MPDZ: variants seen among roughly 807,000 people sequenced by gnomAD.
The protein encoded by MPDZ is multiple PDZ domain protein.
In MPDZ, 234 loss-of-function variants were observed where a neutral mutation model predicts 239.1. That is an observed-to-expected ratio of 0.98 (90% CI 0.88 to 1.09). The LOEUF (loss-of-function observed/expected upper bound fraction) is 1.09, where lower values mean the gene tolerates loss of function less well. Among genes scored for constraint, MPDZ ranks in the 50% least tolerant of loss-of-function variants. The pLI is 0.00. For missense variants in MPDZ, 3,175 were observed against 2,510.0 expected, an observed-to-expected ratio of 1.26 and a Z score of -5.66; for synonymous variants, 1,048 against 881.3, an observed-to-expected ratio of 1.19 and a Z score of -3.35.
chr9:13,125,487 A>G (rs1944978721), intron 34 of MPDZ, 97 bp from the exon 35 acceptor site: 4 of 1,144,936 alleles, frequency 3.5e-6, no homozygotes, highest in African/African-American at 1.5e-5. Context: ...AATTCTCTCT[A>G]TGGTTAAGGG....
intron 3 of MPDZ, among the ~76,000 whole-genome samples, chr9:13,241,190 G>A (rs1443914649): frequency 2.0e-5 from 3 of 151,958 alleles, no homozygotes; most frequent in East Asian, 1.9e-4. Context: ...TAAACTTTAC[G>A]GTAAATGTAA....
chr9:13,151,714 C>T (rs560136435), intron 24 of MPDZ, among the ~76,000 whole-genome samples: 3 of 152,046 alleles, frequency 2.0e-5, no homozygotes, highest in South Asian at 2.1e-4. Flanking sequence ...TGTAGCTAGA[C>T]GGTGGTGGTG....
At chr9:13,196,444 T>C (rs1358033637) in intron 12 of MPDZ, among the ~76,000 whole-genome samples, 1 of 152,172 alleles carries the variant, frequency 6.6e-6, no homozygotes, top group African/African-American at 2.4e-5. Context: ...AACAGATGTA[T>C]TTTAAATCTT....
At chr9:13,268,094 C>T (rs886122034) in intron 1 of MPDZ, among the ~76,000 whole-genome samples, 1 of 151,610 alleles carries the variant, frequency 6.6e-6, no homozygotes, top group African/African-American at 2.4e-5. Flanking sequence ...ACAGTATTAG[C>T]ATCAGAATGG....
chr9:13,158,044 T>C lies in MPDZ; in HGVS notation c.3426A>G (p.Ala1142=). The part of the protein sequence containing the change: ...EGEESELQNT[A]YSNWNQPRRV... The stretch of plus-strand genomic sequence containing the variant: ...GCCTGGGCTGATTCCAATTGCTATA[T>C]GCTGTGTTTTGAAGTTCGCTTTCTT... The change falls in exon 24 of 47, where the codon GCA becomes GCG. Residue 1142 remains alanine (A), a synonymous_variant. Transcript: ENST00000319217. 3 of 1,612,782 alleles carry C rather than the reference T, an allele frequency of 1.9e-6. No homozygotes were observed. Among genetic ancestry groups the C allele is most frequent in the Non-Finnish European group, 2.5e-6 (3 of 1,179,172 alleles).
chr9:13,229,318 A>G (rs1343879927), intron 3 of MPDZ, among the ~76,000 whole-genome samples: 1 of 152,086 alleles, frequency 6.6e-6, no homozygotes, highest in Admixed American at 6.6e-5. Flanking sequence ...AGAAGCATGA[A>G]TATCAGAAGG....
At chr9:13,133,688 G>C in intron 32 of MPDZ, 136 bp downstream of exon 32, 1 of 554,732 alleles carries the variant, frequency 1.8e-6, no homozygotes, top group African/African-American at 1.9e-5. Context: ...GTGGGCCCAA[G>C]TATTTGCAGT....
chr9:13,136,516 C>A (rs920490502), intron 30 of MPDZ, among the ~76,000 whole-genome samples, 196 bp downstream of exon 30: 1 of 151,060 alleles, frequency 6.6e-6, no homozygotes, highest in Non-Finnish European at 1.5e-5. Context: ...TTAGTAGAGA[C>A]GGGATTTCAC....
At chr9:13,251,154 A>G (rs1356140832) in intron 1 of MPDZ, among the ~76,000 whole-genome samples, 3 of 146,668 alleles carry the variant, frequency 2.0e-5, no homozygotes, top group Non-Finnish European at 4.5e-5. Context: ...AAAAAAAAGG[A>G]AAAGAAAAGA....
At chr9:13,248,575 AT>A (rs1008071926) in intron 2 of MPDZ, among the ~76,000 whole-genome samples, 35 of 151,438 alleles carry the variant, frequency 2.3e-4, no homozygotes, top group Non-Finnish European at 2.8e-4. Flanking sequence ...TGAAGCCAAA[AT>A]TTTTTTTTAA....
rs1947405635 is a variant in MPDZ at position 13,140,046 on chromosome 9, G to A, written c.3944C>T (p.Ser1315Leu). 6.2e-7 allele frequency: 1 copy of A among 1,613,262 alleles called. No homozygotes were observed. The highest frequency in any genetic ancestry group is 1.7e-5 in the Admixed American group (1 of 59,928). Residue 1315 changes from serine (S) to leucine (L), a missense_variant, in exon 28 of 47, where the codon TCA becomes TTA. Ser to Leu is a moderately radical substitution (Grantham distance 145). Transcript: ENST00000319217. Reference protein sequence around the residue: ...FAEMGSDHTQSSASKISQDVD... With the variant: ...FAEMGSDHTQLSASKISQDVD... ...ATCTTGTGAGATTTTGCTTGCAGAT[G>A]ACTGTGTGTGATCACTACCCATTTC...
At chr9:13,271,347 T>C (rs529064633) in intron 1 of MPDZ, among the ~76,000 whole-genome samples, 3 of 152,284 alleles carry the variant, frequency 2.0e-5, no homozygotes, top group South Asian at 4.1e-4. Context: ...CTCCAAAATA[T>C]GCTACTTTGG....
intron 22 of MPDZ, among the ~76,000 whole-genome samples, chr9:13,165,921 C>T (rs892696478): frequency 2.6e-5 from 4 of 152,096 alleles, no homozygotes; most frequent in African/African-American, 9.7e-5. Flanking sequence ...AAATTATCTA[C>T]CCATGCATGC....
At chr9:13,138,188 A>G (rs1947123623) in intron 28 of MPDZ, 35 bp from the exon 29 acceptor site, 2 of 1,503,724 alleles carry the variant, frequency 1.3e-6, no homozygotes, top group African/African-American at 1.4e-5. Context: ...ACATATTTAC[A>G]GTTAATTTAC....
intron 1 of MPDZ, among the ~76,000 whole-genome samples, chr9:13,266,807 A>G (rs1456969552): frequency 6.6e-6 from 1 of 152,212 alleles, no homozygotes; most frequent in Non-Finnish European, 1.5e-5. Context: ...AAGTAATCTC[A>G]TTCAGCTACT....
intron 35 of MPDZ, among the ~76,000 whole-genome samples, chr9:13,123,822 G>C (rs977497090): frequency 6.6e-6 from 1 of 152,118 alleles, no homozygotes; most frequent in Admixed American, 6.6e-5. Flanking sequence ...TCTTATCCTA[G>C]AGCATCTCTT....
intron 3 of MPDZ, among the ~76,000 whole-genome samples, chr9:13,238,294 G>A (rs1337083562): frequency 6.6e-6 from 1 of 152,162 alleles, no homozygotes; most frequent in African/African-American, 2.4e-5. Context: ...CAGACAAGAT[G>A]GCAAGAGCCA....
Position 13,136,174 on chromosome 9 carries a change from T to C in MPDZ, c.4301A>G (p.Asp1434Gly), listed in dbSNP as rs1324386810. The C allele has an allele frequency of 6.2e-7, 1 of 1,610,976 alleles. No homozygotes were observed. The highest frequency in any genetic ancestry group is 1.1e-5 in the South Asian group (1 of 90,658). Residue 1434 changes from aspartate (D) to glycine (G), a missense_variant, in exon 31 of 47, where the codon GAT (aspartate) becomes GGT (glycine). Coordinates refer to ENST00000319217, the MANE Select transcript of MPDZ (RefSeq NM_001378778.1). ...KVKIIFIRNK[D>G]AVNQMAVCPG... ...ACATACGGCCATCTGATTCACTGCA[T>C]CTTTATTTCTAAAAGCAAAAAAACA...
intron 3 of MPDZ, among the ~76,000 whole-genome samples, chr9:13,226,985 T>C (rs1163220577): frequency 2.0e-5 from 3 of 152,110 alleles, no homozygotes; most frequent in Non-Finnish European, 4.4e-5. Context: ...CCTAGATTTT[T>C]TTTCATCACG....
Sources: allele counts gnomAD v4.1 joint callset (sites outside exome capture counted in the v4.1 genomes callset), GRCh38; gene constraint gnomAD v4.1.1; transcripts MANE v1.5; gene names NCBI Gene and HGNC (gene_info 2026-07-23, HGNC 2026-07-21).